TBK1: variants seen among roughly 807,000 people sequenced by gnomAD.
TBK1 encodes the protein TANK binding kinase 1, also known as serine/threonine-protein kinase TBK1.
A neutral mutation model predicts 99.9 loss-of-function variants in TBK1; 37 were observed. The ratio of observed to expected loss-of-function variants is 0.37; its 90% CI spans 0.28 to 0.49. The LOEUF is 0.49. Among genes scored for constraint, TBK1 ranks in the 20% least tolerant of loss-of-function variants. The pLI is 0.98. For synonymous variants in TBK1, 258 were observed against 279.8 expected, an observed-to-expected ratio of 0.92 and a Z score of 0.78; for missense variants, 644 against 872.5, an observed-to-expected ratio of 0.74 and a Z score of 3.30.
intron 5 of TBK1, among the ~76,000 whole-genome samples, chr12:64,472,707 G>A (rs753624737): frequency 6.6e-6 from 1 of 152,172 alleles, no homozygotes; most frequent in African/African-American, 2.4e-5. Context: ...TACACTGGAA[G>A]AATTGTCTTG....
intron 13 of TBK1, among the ~76,000 whole-genome samples, chr12:64,495,215 T>G (rs1376954086): frequency 6.6e-6 from 1 of 152,228 alleles, no homozygotes; most frequent in Non-Finnish European, 1.5e-5. Flanking sequence ...ATTAGAAGTA[T>G]TTTACATGTG....
intron 2 of TBK1, among the ~76,000 whole-genome samples, chr12:64,458,026 G>A (rs2040506988): frequency 6.6e-6 from 1 of 151,884 alleles, no homozygotes; most frequent in Admixed American, 6.6e-5. Context: ...CAGGTAGGTT[G>A]CTTGTGCCCA....
At chr12:64,454,259 C>G (rs1044341848) in intron 1 of TBK1, among the ~76,000 whole-genome samples, 5 of 152,168 alleles carry the variant, frequency 3.3e-5, no homozygotes, top group African/African-American at 1.2e-4. Flanking sequence ...GTTTTTGTTT[C>G]TTTTTGAGAT....
intron 6 of TBK1, 64 bp from the exon 7 acceptor site, chr12:64,479,948 A>G: frequency 1.8e-6 from 2 of 1,128,830 alleles, no homozygotes; most frequent in Non-Finnish European, 2.6e-6. Context: ...TACTTTTGCA[A>G]AGCCCATTAA....
At chr12:64,497,122 T>C (rs760606818) in intron 17 of TBK1, 41 bp from the exon 18 acceptor site, 22 of 1,580,966 alleles carry the variant, frequency 1.4e-5, no homozygotes, top group Non-Finnish European at 8.6e-7. Context: ...GTAAGAATGC[T>C]TCACTAGACT....
At chr12:64,463,312 A>G (rs947994627) in intron 3 of TBK1, among the ~76,000 whole-genome samples, 1 of 151,882 alleles carries the variant, frequency 6.6e-6, no homozygotes, top group African/African-American at 2.4e-5. Flanking sequence ...CCTGGGAGGC[A>G]GAGCTTCCAG....
chr12:64,472,459 G>A (rs143595658), intron 5 of TBK1, among the ~76,000 whole-genome samples: 16 of 152,198 alleles, frequency 1.1e-4, no homozygotes, highest in South Asian at 2.1e-4. Flanking sequence ...TGGTCCATAC[G>A]TACACTTTTC....
At chr12:64,473,891 C>G (rs1338524611) in intron 5 of TBK1, among the ~76,000 whole-genome samples, 1 of 152,088 alleles carries the variant, frequency 6.6e-6, no homozygotes, top group Non-Finnish European at 1.5e-5. Flanking sequence ...GAGCCGAGAT[C>G]AAGCCACTGC....
chr12:64,475,071 T>C (rs985949937), intron 6 of TBK1, among the ~76,000 whole-genome samples: 9 of 152,082 alleles, frequency 5.9e-5, no homozygotes, highest in South Asian at 2.1e-4. Flanking sequence ...TGAACTGTGA[T>C]TGCGCCACGG....
At chr12:64,485,412 T>C in intron 9 of TBK1, 43 bp from the exon 10 acceptor site, 1 of 1,061,530 alleles carries the variant, frequency 9.4e-7, no homozygotes, top group East Asian at 2.6e-5. Flanking sequence ...AGTGATTTTT[T>C]CAAAAAGTTT....
Position 64,481,852 on chromosome 12 carries a change from G to C in TBK1, c.823G>C (p.Val275Leu). The C allele has an allele frequency of 6.3e-7, 1 of 1,589,680 alleles. No individual in the cohort carries two copies. Reference protein sequence around the residue: ...VSCSLSRGLQVLLTPVLANIL... With the variant: ...VSCSLSRGLQLLLTPVLANIL... ...TCAATACTATTTTAGGGGTCTTCAG[G>C]TTCTACTTACCCCTGTTCTTGCAAA... Residue 275 changes from valine (V) to leucine (L), a missense_variant, in exon 8 of 21, where the codon GTT (valine) becomes CTT (leucine). This residue lies in a region of TBK1 where 465 missense variants were observed against 588.0 expected (regional missense o/e 0.79). Transcript: ENST00000331710.
chr12:64,463,413 A>T (rs1313373373), intron 3 of TBK1, among the ~76,000 whole-genome samples: 2 of 151,098 alleles, frequency 1.3e-5, no homozygotes, highest in Non-Finnish European at 1.5e-5. Context: ...AAAGAAATTC[A>T]AGTGACTGGG....
At chr12:64,460,385 A>C in intron 3 of TBK1, 56 bp downstream of exon 3, 1 of 1,340,822 alleles carries the variant, frequency 7.5e-7, no homozygotes, top group Non-Finnish European at 9.9e-7. Context: ...AAGAAATAGA[A>C]CCTAATATTA....
chr12:64,494,635 T>C (rs1209161735), intron 13 of TBK1, among the ~76,000 whole-genome samples: 1 of 152,058 alleles, frequency 6.6e-6, no homozygotes, highest in Non-Finnish European at 1.5e-5. Context: ...GCACAGAACA[T>C]TTAGAGACAA....
chr12:64,493,845 T>C (rs1420864616), intron 13 of TBK1, among the ~76,000 whole-genome samples: 1 of 152,196 alleles, frequency 6.6e-6, no homozygotes, highest in African/African-American at 2.4e-5. Context: ...TTATATGTAT[T>C]ATTAAATGAC....
Position 64,460,302 on chromosome 12 carries a change from T to C in TBK1, c.201T>C (p.Ile67=), listed in dbSNP as rs143727988. The C allele has an allele frequency of 4.4e-5, 69 of 1,569,940 alleles. No individual in the cohort carries two copies. The African/African-American group carries it at 8.3e-4, about 19-fold the overall frequency. The part of the protein sequence containing the change: ...EVLKKLNHKN[I]VKLFAIEEET... ...TGAAAAAACTCAATCACAAAAATAT[T>C]GTCAAATTATTTGCTATTGAAGAGG... The change falls in exon 3 of 21, where the codon ATT becomes ATC. Residue 67 remains isoleucine (I), a synonymous_variant. Coordinates refer to ENST00000331710, the MANE Select transcript of TBK1 (RefSeq NM_013254.4).
At chr12:64,479,906 C>G in intron 6 of TBK1, 106 bp from the exon 7 acceptor site, 1 of 650,372 alleles carries the variant, frequency 1.5e-6, no homozygotes, top group East Asian at 2.8e-5. Context: ...AAAGTTTCAT[C>G]TAGTAGATAA....
intron 3 of TBK1, among the ~76,000 whole-genome samples, chr12:64,461,722 A>G (rs548102687): frequency 2.1e-4 from 32 of 152,318 alleles, no homozygotes; most frequent in African/African-American, 7.7e-4. Flanking sequence ...TTACCCTCAC[A>G]TCATCCCAGC....
intron 11 of TBK1, among the ~76,000 whole-genome samples, chr12:64,488,040 T>G (rs1434435781): frequency 1.3e-5 from 2 of 152,218 alleles, no homozygotes; most frequent in Non-Finnish European, 2.9e-5. Flanking sequence ...TATGTATATA[T>G]GCAAATATCC....
Sources: gnomAD v4.1 joint callset for allele counts (sites outside exome capture counted in the v4.1 genomes callset) on GRCh38, gnomAD v4.1.1 for gene constraint, gnomAD v4.1.1 regional missense constraint, MANE v1.5 for transcripts, NCBI Gene and HGNC (gene_info 2026-07-23, HGNC 2026-07-21) for gene names.